Variants in TRAF3 observed in about 807,000 individuals in gnomAD.
TRAF3 encodes the protein TNF receptor associated factor 3, also known as TNF receptor-associated factor 3.
A neutral mutation model predicts 62.3 loss-of-function variants in TRAF3; 13 were observed. The ratio of observed to expected loss-of-function variants is 0.21; its 90% confidence interval spans 0.14 to 0.33. TRAF3 has a LOEUF of 0.33. Ranked by LOEUF, TRAF3 falls within the 10% of genes least tolerant of loss-of-function variation. The pLI is 1.00. For synonymous variants in TRAF3, 269 were observed against 283.4 expected (o/e 0.95, Z 0.51); for missense variants, 440 against 741.8 (o/e 0.59, Z 4.73).
intron 9 of TRAF3, among the ~76,000 whole-genome samples, chr14:102,892,115 G>A (rs1005478049): frequency 6.7e-6 from 1 of 149,866 alleles, no homozygotes; most frequent in African/African-American, 2.5e-5. Flanking sequence ...GAATGCAGTG[G>A]TGCGATCTTG....
chr14:102,785,260 G>A (rs922160960), intron 1 of TRAF3, among the ~76,000 whole-genome samples: 13 of 152,212 alleles, frequency 8.5e-5, no homozygotes, highest in African/African-American at 2.2e-4. Flanking sequence ...GCCGCACTCC[G>A]TTCCATCTCT....
At chr14:102,800,483 G>A (rs1015227720) in intron 1 of TRAF3, among the ~76,000 whole-genome samples, 7 of 152,156 alleles carry the variant, frequency 4.6e-5, no homozygotes, top group Non-Finnish European at 4.4e-5. Context: ...AACCAGGACC[G>A]TAGCACATAA....
At chr14:102,842,260 TAAAA>T (rs1595353024) in intron 2 of TRAF3, among the ~76,000 whole-genome samples, 1 of 147,932 alleles carries the variant, frequency 6.8e-6, no homozygotes, top group East Asian at 1.9e-4. Context: ...AATAAATAGA[TAAAA>T]ATAATATATA....
Position 102,886,279 on chromosome 14 carries a change from G to A in TRAF3, c.651+10G>A. ...TCTCCTGAGGAGCGAGGTAGGGGCG[G>A]CCGGGCCCGGCCGGGAGTCTGTGGA... On this transcript the variant is annotated intron_variant, in intron 7 of 11. Coordinates refer to ENST00000392745, the MANE Select transcript of TRAF3 (RefSeq NM_145725.3). 1 of 1,598,906 alleles carries A rather than the reference G, an allele frequency of 6.3e-7. No homozygotes were observed.
Position 102,828,212 on chromosome 14 carries a change from C to A in TRAF3, c.-156-2122C>A, listed in dbSNP as rs538284595. 4.6e-5 allele frequency among the ~76,000 whole-genome samples: 7 copies of A among 152,342 alleles called. 1 individual carries two copies. Among genetic ancestry groups the A allele is most frequent in the African/African-American group, 9.6e-5 (4 of 41,590 alleles). ...ATCTTCGTGATTGGAAAGACTGCTT[C>A]CTGTGCCAGAGAGTCTCTCTCCAGC... On this transcript the variant is annotated intron_variant, in intron 1 of 11. Transcript: ENST00000392745.
At chr14:102,828,400 C>G (rs1216523231) in intron 1 of TRAF3, among the ~76,000 whole-genome samples, 1 of 152,174 alleles carries the variant, frequency 6.6e-6, no homozygotes, top group East Asian at 1.9e-4. Context: ...GGTAATACTC[C>G]TCCGGACCTG....
At chr14:102,855,035 T>C (rs1379533958) in intron 2 of TRAF3, among the ~76,000 whole-genome samples, 1 of 152,170 alleles carries the variant, frequency 6.6e-6, no homozygotes, top group East Asian at 1.9e-4. Flanking sequence ...ACCAGTCTGC[T>C]TTCTGTCTTG....
Position 102,891,545 on chromosome 14 carries a change from A to C in TRAF3, c.819+128A>C, listed in dbSNP as rs1889714403. 3.9e-6 allele frequency: 4 copies of C among 1,031,888 alleles called. No individual in the cohort carries two copies. In the South Asian group the frequency reaches 5.7e-5, roughly 15 times the overall value. The allele number at this position is 1,031,888 out of a possible 1,614,324, so 63.9% of individuals were successfully genotyped here. A position where few individuals can be genotyped will look rare whatever the true frequency, so the allele number is the denominator to read the frequency against. On this transcript the variant is annotated intron_variant, in intron 9 of 11. Transcript: ENST00000392745. ...AACTATCAAGAGAATGTCAAAAAAA[A>C]CTCTGTGTGATCTTGAGCTTATAAA...
At chr14:102,867,454 A>G (rs1420652758) in intron 2 of TRAF3, among the ~76,000 whole-genome samples, 1 of 152,136 alleles carries the variant, frequency 6.6e-6, no homozygotes, top group Admixed American at 6.6e-5. Flanking sequence ...ATGCAGTCTT[A>G]GTGGCAGGAG....
At chr14:102,779,082 G>C (rs1749233549) in intron 1 of TRAF3, among the ~76,000 whole-genome samples, 1 of 152,162 alleles carries the variant, frequency 6.6e-6, no homozygotes, top group Admixed American at 6.5e-5. Flanking sequence ...CATGGGACTG[G>C]AAATCCTGTG....
chr14:102,876,628 C>G, intron 6 of TRAF3, 103 bp downstream of exon 6: 2 of 1,456,102 alleles, frequency 1.4e-6, no homozygotes, highest in Non-Finnish European at 1.9e-6. Flanking sequence ...CAGGCCTTCC[C>G]TCAACTCATA....
intron 6 of TRAF3, among the ~76,000 whole-genome samples, chr14:102,885,145 A>T (rs941989579): frequency 6.6e-6 from 1 of 152,124 alleles, no homozygotes; most frequent in Non-Finnish European, 1.5e-5. Context: ...GGCCTTAGAA[A>T]CATGCCGAGG....
chr14:102,785,395 T>C (rs1486427827), intron 1 of TRAF3, among the ~76,000 whole-genome samples: 2 of 152,204 alleles, frequency 1.3e-5, no homozygotes, highest in African/African-American at 4.8e-5. Flanking sequence ...GTCCCTAACC[T>C]GATTTGCTAA....
chr14:102,818,463 A>T (rs1419569643), intron 1 of TRAF3, among the ~76,000 whole-genome samples: 1 of 152,236 alleles, frequency 6.6e-6, no homozygotes, highest in African/African-American at 2.4e-5. Flanking sequence ...TCTTGTGGAC[A>T]GATCAGGTGG....
chr14:102,889,651 T>C lies in TRAF3; in HGVS notation c.726+17T>C, dbSNP rs771127918. ...GTTTTTCAGGTCAGTATCCGACATT[T>C]GTCCTTCCCAGTCACTGACATTCTG... On this transcript the variant is annotated intron_variant, in intron 8 of 11. Coordinates refer to ENST00000392745, the MANE Select transcript of TRAF3 (RefSeq NM_145725.3). 6.2e-7 allele frequency: 1 copy of C among 1,613,922 alleles called. No individual in the cohort carries two copies. Among genetic ancestry groups the C allele is most frequent in the South Asian group, 1.1e-5 (1 of 91,080 alleles).
intron 2 of TRAF3, among the ~76,000 whole-genome samples, chr14:102,837,272 G>C (rs1490166325): frequency 6.6e-6 from 1 of 151,752 alleles, no homozygotes; most frequent in East Asian, 1.9e-4. Flanking sequence ...CCGAGTAGCT[G>C]GGACCACAGG....
intron 6 of TRAF3, 134 bp from the exon 7 acceptor site, chr14:102,886,055 G>A: frequency 2.8e-6 from 2 of 726,750 alleles, no homozygotes; most frequent in Admixed American, 2.1e-5. Flanking sequence ...TCAGCCATAC[G>A]TAATGTGAGT....
intron 10 of TRAF3, among the ~76,000 whole-genome samples, chr14:102,899,221 G>C (rs1242534323): frequency 6.6e-6 from 1 of 152,198 alleles, no homozygotes; most frequent in East Asian, 1.9e-4. Flanking sequence ...TGGGGTTGGT[G>C]GTCTTTGGCC....
chr14:102,878,397 AGT>A (rs769328021), intron 6 of TRAF3, among the ~76,000 whole-genome samples: 1 of 41,662 alleles, frequency 2.4e-5, no homozygotes, highest in African/African-American at 1.0e-4. Context: ...AATGTGGGTG[AGT>A]GTGTGGGGGT....
Sources: allele counts gnomAD v4.1 joint callset (sites outside exome capture counted in the v4.1 genomes callset), GRCh38; gene constraint gnomAD v4.1.1; transcripts MANE v1.5; gene names NCBI Gene and HGNC (gene_info 2026-07-23, HGNC 2026-07-21).